SLAMF7: variants seen among roughly 807,000 people sequenced by gnomAD.
SLAMF7 encodes SLAM family member 7, also known as 19A24 protein.
In SLAMF7, 26 loss-of-function variants were observed where a neutral mutation model predicts 34.1. The ratio of observed to expected loss-of-function variants is 0.76; its 90% CI spans 0.56 to 1.06. The LOEUF is 1.06. Among genes scored for constraint, SLAMF7 ranks in the 50% least tolerant of loss-of-function variants. The pLI is 0.00. For missense variants in SLAMF7, 399 were observed against 402.5 expected (o/e 0.99, Z 0.07); for synonymous variants, 171 against 156.4 (o/e 1.09, Z -0.70).
intron 1 of SLAMF7, among the ~76,000 whole-genome samples, chr1:160,740,557 C>T (rs984763603): frequency 6.6e-6 from 1 of 152,170 alleles, no homozygotes; most frequent in Non-Finnish European, 1.5e-5. Context: ...GGCAGTGGAA[C>T]AAATCCTGGC....
rs373637836 is a variant in SLAMF7 at position 160,753,174 on chromosome 1, C to G, written c.1005C>G (p.Ile335Met). Residue 335 changes from isoleucine to methionine, a missense_variant, in exon 7 of 7, where the codon ATC becomes ATG. By Grantham distance (10) the Ile-to-Met change is conservative. Coordinates refer to ENST00000368043, the MANE Select transcript of SLAMF7 (RefSeq NM_021181.5). Reference protein sequence around the residue: ...TPRLFAYENVI With the variant: ...TPRLFAYENVM ...GGCTATTTGCCTATGAGAATGTTAT[C>G]TAGACAGCAGTGCACTCCCCTAAGT... The G allele has an allele frequency of 1.2e-6, 2 of 1,611,768 alleles. No individual in the cohort carries two copies. The highest frequency in any genetic ancestry group is 1.3e-5 in the African/African-American group (1 of 74,796).
At chr1:160,749,743 C>A in intron 2 of SLAMF7, 78 bp from the exon 3 acceptor site, 1 of 1,323,848 alleles carries the variant, frequency 7.6e-7, no homozygotes, top group South Asian at 1.5e-5. Flanking sequence ...AGATTCAGGT[C>A]CAAGGTATCC....
rs975441845 is a variant in SLAMF7, at chr1:160,750,059, C to A, written c.615C>A (p.Phe205Leu). 3 of 1,614,128 alleles carry A rather than the reference C, an allele frequency of 1.9e-6. No homozygotes were observed. The highest frequency in any genetic ancestry group is 2.5e-6 in the Non-Finnish European group (3 of 1,179,980). The change falls in exon 3 of 7, where the codon TTC becomes TTA. Residue 205 changes from phenylalanine (F) to leucine (L), a missense_variant. Coordinates refer to ENST00000368043, the MANE Select transcript of SLAMF7 (RefSeq NM_021181.5). ...CCAGGAACCCTGTCAGCAGAAACTT[C>A]TCAAGCCCCATCCTTGCCAGGAAGC... ...CVARNPVSRN[F>L]SSPILARKLC...
intron 5 of SLAMF7, 80 bp downstream of exon 5, chr1:160,751,528 A>C (rs560380278): frequency 8.7e-7 from 1 of 1,148,996 alleles, no homozygotes; most frequent in Admixed American, 1.8e-5. Flanking sequence ...GGGTTTGGAC[A>C]ACATGGGAAT....
Position 160,750,424 on chromosome 1 carries a change from G to A in SLAMF7, c.769+1G>A, listed in dbSNP as rs1406160459. The A allele has an allele frequency of 1.9e-6, 3 of 1,612,538 alleles. No individual in the cohort carries two copies. The highest frequency in any genetic ancestry group is 2.7e-5 in the African/African-American group (2 of 74,816). On this transcript the variant is annotated splice_donor_variant, in intron 4 of 6. Coordinates refer to ENST00000368043, the MANE Select transcript of SLAMF7 (RefSeq NM_021181.5). LOFTEE classifies it high-confidence loss of function. ...TTTCTGAAGAGAGAGAGACAAGAAG[G>A]TAGAGCGTGTACTATTTTTGTCCTC...
chr1:160,741,358 C>A (rs549209836), intron 1 of SLAMF7, among the ~76,000 whole-genome samples: 6 of 152,242 alleles, frequency 3.9e-5, no homozygotes, highest in African/African-American at 1.4e-4. Flanking sequence ...GAGTGAGGAG[C>A]AGAGTGGTGA....
intron 4 of SLAMF7, chr1:160,750,758 G>A (rs1252143135): frequency 8.1e-6 from 2 of 247,176 alleles, no homozygotes; most frequent in South Asian, 1.2e-4. Flanking sequence ...GACCTGGGAG[G>A]TGATGGCCTC....
intron 1 of SLAMF7, among the ~76,000 whole-genome samples, chr1:160,740,731 T>C (rs1348572953): frequency 6.6e-6 from 1 of 152,230 alleles, no homozygotes; most frequent in Non-Finnish European, 1.5e-5. Flanking sequence ...AAAATAATTA[T>C]TAAAATAATC....
chr1:160,743,554 G>A (rs111794188), intron 1 of SLAMF7, among the ~76,000 whole-genome samples: 91 of 152,352 alleles, frequency 6.0e-4, no homozygotes, highest in African/African-American at 1.9e-3. Context: ...TGGCTTGTAC[G>A]GAATGAGGAA....
At chr1:160,752,073 T>C (rs1015543161) in intron 5 of SLAMF7, 113 bp from the exon 6 acceptor site, 6 of 803,768 alleles carry the variant, frequency 7.5e-6, no homozygotes, top group South Asian at 6.9e-5. Context: ...TCCTCTCACA[T>C]CTCCTCCCAT....
intron 1 of SLAMF7, among the ~76,000 whole-genome samples, chr1:160,741,392 G>A (rs1450505997): frequency 2.0e-5 from 3 of 152,146 alleles, no homozygotes; most frequent in East Asian, 3.9e-4. Context: ...GAATGTGGTC[G>A]GTTAGGGCTA....
At position 160,753,506 on chromosome 1, in the gene SLAMF7, T is replaced by C; in HGVS notation, c.*329T>C. On this transcript the variant is annotated 3_prime_UTR_variant, in exon 7 of 7. Transcript: ENST00000368043. ...GGTCACACATATTAATGACAGCCTG[T>C]TGTATTAATGATGGCTCCAGGTCAG... 3.7e-6 allele frequency: 1 copy of C among 271,432 alleles called. No homozygotes were observed. Among genetic ancestry groups the C allele is most frequent in the South Asian group, 5.3e-5 (1 of 18,708 alleles). 16.8% of individuals were successfully genotyped at this position (271,432 alleles called of 1,614,324 possible).
chr1:160,749,194 G>A (rs1241530575), intron 2 of SLAMF7, among the ~76,000 whole-genome samples: 1 of 152,198 alleles, frequency 6.6e-6, no homozygotes, highest in East Asian at 1.9e-4. Flanking sequence ...CATGGTTGAA[G>A]GGAACAGAAG....
chr1:160,748,450 T>C lies in SLAMF7; in HGVS notation c.312T>C (p.Tyr104=). ...KLKKNDSGIY[Y]VGIYSSSLQQ... ...AGAAGAATGACTCAGGGATCTACTA[T>C]GTGGGGATATACAGCTCATCACTCC... The change falls in exon 2 of 7, where the codon TAT becomes TAC. Residue 104 remains tyrosine, a synonymous_variant. Transcript: ENST00000368043. 6.2e-7 allele frequency: 1 copy of C among 1,614,016 alleles called. No homozygotes were observed. The highest frequency in any genetic ancestry group is 8.5e-7 in the Non-Finnish European group (1 of 1,179,946).
chr1:160,742,128 G>A (rs759960796), intron 1 of SLAMF7, among the ~76,000 whole-genome samples: 2 of 151,948 alleles, frequency 1.3e-5, no homozygotes, highest in East Asian at 1.9e-4. Flanking sequence ...CCTCATAATC[G>A]GGCTCCTTCC....
intron 1 of SLAMF7, among the ~76,000 whole-genome samples, chr1:160,744,232 G>A (rs115251870): frequency 0.012 from 1,842 of 152,326 alleles, 30 homozygotes; most frequent in African/African-American, 0.042. Context: ...AAGAGCTTCA[G>A]TTCAGCCTTG....
Position 160,740,370 on chromosome 1 carries a change from A to G in SLAMF7, c.55+1014A>G, listed in dbSNP as rs973669553. Among the ~76,000 whole-genome samples the G allele has an allele frequency of 3.3e-5, 5 of 152,184 alleles. No individual in the cohort carries two copies. In the East Asian group the frequency reaches 7.7e-4, roughly 23 times the overall value. On this transcript the variant is annotated intron_variant, in intron 1 of 6. Transcript: ENST00000368043. ...GGGAGATAAGGTGGAGGGGTTGGGG[A>G]AAATTATAGAGACTTTGAAAGCTAC...
chr1:160,748,030 G>A (rs531228983), intron 1 of SLAMF7, among the ~76,000 whole-genome samples, 164 bp from the exon 2 acceptor site: 72 of 152,210 alleles, frequency 4.7e-4, no homozygotes, highest in Middle Eastern at 3.4e-3. Flanking sequence ...TACATAATAG[G>A]GTAACATGTG....
intron 1 of SLAMF7, among the ~76,000 whole-genome samples, chr1:160,740,524 G>T (rs1663658167): frequency 6.6e-6 from 1 of 152,144 alleles, no homozygotes; most frequent in Non-Finnish European, 1.5e-5. Flanking sequence ...GACAGAGATT[G>T]TCCTGGAACT....
Sources: gnomAD v4.1 joint callset for allele counts (sites outside exome capture counted in the v4.1 genomes callset) on GRCh38, gnomAD v4.1.1 for gene constraint, MANE v1.5 for transcripts, NCBI Gene and HGNC (gene_info 2026-07-23, HGNC 2026-07-21) for gene names.